LIMK2: variants seen among roughly 807,000 people sequenced by gnomAD.
LIMK2 encodes the protein LIM domain kinase 2.
LIMK2 carries 35 observed loss-of-function variants against 75.7 expected under a neutral mutation model. The observed-to-expected ratio is 0.46, with a 90% CI of 0.35 to 0.61. LIMK2 has a LOEUF of 0.61. Ranked by LOEUF, LIMK2 falls within the 20% of genes least tolerant of loss-of-function variation. LIMK2 has a pLI of 0.00. For missense variants in LIMK2, 623 were observed against 831.0 expected (o/e 0.75, Z 3.08); for synonymous variants, 301 against 319.2 (o/e 0.94, Z 0.61).
At chr22:31,271,234 G>C in intron 12 of LIMK2, 33 bp downstream of exon 12, 1 of 1,592,102 alleles carries the variant, frequency 6.3e-7, no homozygotes, top group East Asian at 2.2e-5. Context: ...TGGCCTCCAG[G>C]GTCCTATCCT....
At chr22:31,267,697 G>C in intron 9 of LIMK2, 79 bp from the exon 10 acceptor site, 4 of 1,485,668 alleles carry the variant, frequency 2.7e-6, no homozygotes, top group Non-Finnish European at 3.6e-6. Flanking sequence ...CACTTGTCAA[G>C]CTGATTCCTT....
chr22:31,228,021 CGTGTGTGT>C (rs66641491), intron 2 of LIMK2, among the ~76,000 whole-genome samples: 14 of 147,534 alleles, frequency 9.5e-5, no homozygotes, highest in South Asian at 2.1e-4. Context: ...TCTGTGCGTG[CGTGTGTGT>C]GTGTGTGTGT....
intron 5 of LIMK2, among the ~76,000 whole-genome samples, chr22:31,260,428 C>T (rs1226230526): frequency 6.6e-6 from 1 of 152,196 alleles, no homozygotes; most frequent in African/African-American, 2.4e-5. Context: ...CTGTCTTATT[C>T]AGTGCTGCAT....
chr22:31,240,486 C>T (rs2048615475), intron 2 of LIMK2, among the ~76,000 whole-genome samples: 1 of 150,754 alleles, frequency 6.6e-6, no homozygotes, highest in South Asian at 2.1e-4. Context: ...TGCAGTGGCA[C>T]AATCTCAGCT....
In LIMK2 at chr22:31,275,216, G is replaced by C. The variant is rs2049001048; in HGVS notation, c.1680G>C (p.Val560=). Residue 560 remains valine, a synonymous_variant, in exon 15 of 16, where the codon GTG becomes GTC. Coordinates refer to ENST00000331728, the MANE Select transcript of LIMK2 (RefSeq NM_005569.4). ...GAACACTGGACTTTGGCCTCAACGT[G>C]AAGCTTTTCTGGGAGAAGTTTGTTC... ...LPRTLDFGLN[V]KLFWEKFVPT... The C allele has an allele frequency of 6.2e-7, 1 of 1,614,216 alleles. No individual in the cohort carries two copies. Among genetic ancestry groups the C allele is most frequent in the Non-Finnish European group, 8.5e-7 (1 of 1,180,040 alleles).
chr22:31,222,877 A>G (rs927776159), intron 1 of LIMK2: 1 of 152,086 alleles, frequency 6.6e-6, no homozygotes, highest in Non-Finnish European at 1.5e-5. Flanking sequence ...GATGGCAGTG[A>G]CTTGAACTTA....
At chr22:31,253,876 T>G (rs1334438331) in intron 2 of LIMK2, among the ~76,000 whole-genome samples, 3 of 152,242 alleles carry the variant, frequency 2.0e-5, no homozygotes, top group African/African-American at 7.2e-5. Flanking sequence ...AGCTGTTAAT[T>G]GATAGCTAAG....
Position 31,262,258 on chromosome 22 carries a change from CTGTCT to C in LIMK2, c.657+23_657+27del, listed in dbSNP as rs2092810734. The stretch of plus-strand genomic sequence containing the variant: ...GGAGGAGGTAGAGTGTGTGTCTAAT[CTGTCT>C]TGTGAGGGTGGGACATGGAACAGAT... On this transcript the variant is annotated intron_variant, in intron 6 of 15. Coordinates refer to ENST00000331728, the MANE Select transcript of LIMK2 (RefSeq NM_005569.4). This position sits in a 1 kb window ranked among gnomAD's most constrained non-coding sequence, Gnocchi z 5.0. The C allele has an allele frequency of 6.4e-7, 1 of 1,567,678 alleles. No homozygotes were observed. The highest frequency in any genetic ancestry group is 8.8e-7 in the Non-Finnish European group (1 of 1,137,798).
At chr22:31,244,435 GAA>G (rs2048648778) in intron 2 of LIMK2, among the ~76,000 whole-genome samples, 1 of 152,164 alleles carries the variant, frequency 6.6e-6, no homozygotes. Context: ...GTGGCTGGGA[GAA>G]AGATTGCTCC....
At chr22:31,252,797 C>G (rs2048738740) in intron 2 of LIMK2, among the ~76,000 whole-genome samples, 1 of 152,124 alleles carries the variant, frequency 6.6e-6, no homozygotes. Context: ...TAATTTAATT[C>G]TCATAACCCC....
At chr22:31,275,497 C>A in intron 15 of LIMK2, 189 bp downstream of exon 15, 1 of 593,442 alleles carries the variant, frequency 1.7e-6, no homozygotes, top group Admixed American at 3.1e-5. Context: ...AAAGACATAG[C>A]AGCAAGTAAT....
chr22:31,212,670 A>C (rs1041632945), intron 1 of LIMK2, among the ~76,000 whole-genome samples: 1 of 151,256 alleles, frequency 6.6e-6, no homozygotes, highest in Admixed American at 6.6e-5. Flanking sequence ...GCGGGTTGGG[A>C]GGCTTCCCGC....
At chr22:31,214,858 C>T (rs371689169) in intron 1 of LIMK2, among the ~76,000 whole-genome samples, 5 of 152,088 alleles carry the variant, frequency 3.3e-5, no homozygotes, top group Non-Finnish European at 7.4e-5. Flanking sequence ...TACAGTGGCG[C>T]GATCCAGACT....
chr22:31,260,165 CAG>C, intron 5 of LIMK2, 88 bp downstream of exon 5: 1 of 1,092,500 alleles, frequency 9.2e-7, no homozygotes, highest in Middle Eastern at 2.2e-4. Flanking sequence ...AAGTCTCATG[CAG>C]AACTCCCTTT....
At chr22:31,256,690 C>T (rs2048785933) in intron 2 of LIMK2, among the ~76,000 whole-genome samples, 1 of 152,112 alleles carries the variant, frequency 6.6e-6, no homozygotes, top group Admixed American at 6.6e-5. Flanking sequence ...CACAGCAGTT[C>T]ATTTTATAGA....
chr22:31,262,214 C>G lies in LIMK2; in HGVS notation c.632C>G (p.Pro211Arg). The G allele has an allele frequency of 6.2e-7, 1 of 1,613,934 alleles. No individual in the cohort carries two copies. The highest frequency in any genetic ancestry group is 1.1e-5 in the South Asian group (1 of 91,082). The change falls in exon 6 of 16, where the codon CCC becomes CGC. Residue 211 changes from proline to arginine, a missense_variant. By Grantham distance (103) the Pro-to-Arg change is moderately radical. This residue lies in a region of LIMK2 where 514 missense variants were observed against 661.3 expected (regional missense o/e 0.78). Transcript: ENST00000331728. The surrounding 1 kb of genome is among the most constrained non-coding windows in gnomAD (Gnocchi z 5.0). The part of the protein sequence containing the change: ...GDRILEINGT[P>R]VRTLRVEEVE... ...CGCATCCTGGAGATCAATGGGACCC[C>G]CGTCCGCACACTTCGAGTGGAGGAG...
rs560644696 is a variant in LIMK2, at chr22:31,224,488, A to G, written c.17-1232A>G. ...AGACCTGAGTATGAATGCTAGATCC[A>G]CCACTTAGCTAGTCAACCCTGCCCC... On this transcript the variant is annotated intron_variant, in intron 1 of 15. Coordinates refer to ENST00000331728, the MANE Select transcript of LIMK2 (RefSeq NM_005569.4). Among the ~76,000 whole-genome samples, 35 of 152,292 alleles carry G rather than the reference A, an allele frequency of 2.3e-4. No homozygotes were observed. In the Middle Eastern group the frequency reaches 0.02, roughly 89 times the overall value.
Position 31,251,134 on chromosome 22 carries a change from T to C in LIMK2, c.117-7157T>C, listed in dbSNP as rs150721254. Among the ~76,000 whole-genome samples the C allele has an allele frequency of 2.7e-4, 41 of 152,366 alleles. 1 individual carries two copies. Among genetic ancestry groups the C allele is most frequent in the African/African-American group, 9.4e-4 (39 of 41,584 alleles). On this transcript the variant is annotated intron_variant, in intron 2 of 15. Coordinates refer to ENST00000331728, the MANE Select transcript of LIMK2 (RefSeq NM_005569.4). ...AGTGAGCTGCAATTACCACTGTGCT[T>C]CCAAGTAAGAAAATACCTCAAATTG...
chr22:31,272,227 A>ATT (rs34015226), intron 12 of LIMK2, among the ~76,000 whole-genome samples: 1,619 of 131,002 alleles, frequency 0.012, 35 homozygotes, highest in East Asian at 0.063. Context: ...CGCCCAGCTA[A>ATT]TTTTTTTTTT....
Sources: gnomAD v4.1 joint callset for allele counts (sites outside exome capture counted in the v4.1 genomes callset) on GRCh38, gnomAD v4.1.1 for gene constraint, gnomAD v4.1.1 regional missense constraint, Gnocchi (gnomAD v3.1) non-coding constraint, MANE v1.5 for transcripts, NCBI Gene and HGNC (gene_info 2026-07-23, HGNC 2026-07-21) for gene names.